GRB2: variants seen among roughly 807,000 people sequenced by gnomAD.
GRB2 encodes growth factor receptor-bound protein 2.
In GRB2, 2 loss-of-function variants were observed where a neutral mutation model predicts 27.4. That is an observed-to-expected ratio of 0.07 (90% CI 0.03 to 0.23). The LOEUF is 0.23. GRB2 is among the 10% of genes least tolerant of loss of function. GRB2 has a pLI of 1.00. For missense variants in GRB2, 102 were observed against 282.4 expected (o/e 0.36, Z 4.58); for synonymous variants, 94 against 99.6 (o/e 0.94, Z 0.33).
At chr17:75,325,858 A>G in intron 4 of GRB2, 40 bp downstream of exon 4, 1 of 1,609,820 alleles carries the variant, frequency 6.2e-7, no homozygotes, top group Non-Finnish European at 8.5e-7. Context: ...TGGATCAGTC[A>G]GAGACAGGAT....
chr17:75,360,401 A>G (rs2078772076), intron 2 of GRB2, among the ~76,000 whole-genome samples: 1 of 152,176 alleles, frequency 6.6e-6, no homozygotes, highest in Admixed American at 6.5e-5. Flanking sequence ...ACCAGATGGG[A>G]TTTTAGAGTA....
chr17:75,320,260 G>C lies in GRB2; in HGVS notation c.*108C>G. The C allele has an allele frequency of 1.1e-6, 1 of 947,774 alleles. No homozygotes were observed. The highest frequency in any genetic ancestry group is 1.7e-6 in the Non-Finnish European group (1 of 600,976). 58.7% of individuals were successfully genotyped at this position (947,774 alleles called of 1,614,324 possible). A position where few individuals can be genotyped will look rare whatever the true frequency, so the allele number is the denominator to read the frequency against. ...AGAGGGTCACAGGGTGACCCGGCCAGGTGTTCTGCACTCCCTCACAGGCTG... is the reference window on the plus strand; with the variant it reads ...AGAGGGTCACAGGGTGACCCGGCCACGTGTTCTGCACTCCCTCACAGGCTG... On this transcript the variant is annotated 3_prime_UTR_variant, in exon 6 of 6. Transcript: ENST00000316804. This position sits in a 1 kb window ranked among gnomAD's most constrained non-coding sequence, Gnocchi z 4.3.
intron 3 of GRB2, among the ~76,000 whole-genome samples, chr17:75,331,883 T>C (rs1793244433): frequency 6.6e-6 from 1 of 152,156 alleles, no homozygotes; most frequent in Non-Finnish European, 1.5e-5. Flanking sequence ...GGGGAGGATG[T>C]GCTGTGATCC....
At position 75,320,691 on chromosome 17, in the gene GRB2, A is replaced by C; in HGVS notation, c.469-138T>G. ...TCTTAAACTCACCTCCCATCTCCCA[A>C]CCCCCCGTTTATTCTTACCTATTCT... On this transcript the variant is annotated intron_variant, in intron 5 of 5. Coordinates refer to ENST00000316804, the MANE Select transcript of GRB2 (RefSeq NM_002086.5). This position sits in a 1 kb window ranked among gnomAD's most constrained non-coding sequence, Gnocchi z 4.3. 1 of 635,154 alleles carries C rather than the reference A, an allele frequency of 1.6e-6. No homozygotes were observed. Among genetic ancestry groups the C allele is most frequent in the South Asian group, 1.9e-5 (1 of 52,402 alleles). The allele number at this position is 635,154 out of a possible 1,614,324, so 39.3% of individuals were successfully genotyped here. A position where few individuals can be genotyped will look rare whatever the true frequency, so the allele number is the denominator to read the frequency against.
intron 1 of GRB2, among the ~76,000 whole-genome samples, chr17:75,400,228 C>T (rs2079055562): frequency 6.6e-6 from 1 of 152,102 alleles, no homozygotes; most frequent in Admixed American, 6.5e-5. Flanking sequence ...GGCTGAAGTG[C>T]AATGGCACGA....
At chr17:75,374,747 C>A (rs189278514) in intron 2 of GRB2, among the ~76,000 whole-genome samples, 1 of 151,946 alleles carries the variant, frequency 6.6e-6, no homozygotes, top group Non-Finnish European at 1.5e-5. Context: ...TGATCAATCA[C>A]GCCACTGCAC....
At chr17:75,398,930 T>G (rs1034077811) in intron 1 of GRB2, among the ~76,000 whole-genome samples, 34 of 151,798 alleles carry the variant, frequency 2.2e-4, no homozygotes, top group Non-Finnish European at 3.7e-4. Flanking sequence ...CTATTTTTAA[T>G]AGAGACAGGA....
chr17:75,405,406 C>T, intron 1 of GRB2, 83 bp downstream of exon 1: 1 of 152,454 alleles, frequency 6.6e-6, no homozygotes. Flanking sequence ...GGGCCGGTCC[C>T]GGTTCCCCCG....
At chr17:75,323,176 A>AT (rs1378106736) in intron 4 of GRB2, among the ~76,000 whole-genome samples, 1 of 151,686 alleles carries the variant, frequency 6.6e-6, no homozygotes, top group African/African-American at 2.4e-5. Context: ...CAATGAATGA[A>AT]TGAGTCCCTC....
At chr17:75,330,614 C>A (rs1463239314) in intron 3 of GRB2, among the ~76,000 whole-genome samples, 1 of 151,846 alleles carries the variant, frequency 6.6e-6, no homozygotes, top group East Asian at 1.9e-4. Flanking sequence ...GCGGAGGTTG[C>A]AGTGAGCTGA....
intron 2 of GRB2, among the ~76,000 whole-genome samples, chr17:75,346,479 G>A (rs1274643736): frequency 6.6e-6 from 1 of 151,578 alleles, no homozygotes; most frequent in Non-Finnish European, 1.5e-5. Flanking sequence ...CTGGGCAATA[G>A]AGTGAGACTC....
intron 2 of GRB2, among the ~76,000 whole-genome samples, chr17:75,382,853 C>T (rs544634158): frequency 9.1e-4 from 138 of 152,188 alleles, no homozygotes; most frequent in African/African-American, 3.0e-3. Flanking sequence ...GGACTACAGG[C>T]GCCTGCCACC....
chr17:75,383,202 A>G (rs1246428115), intron 2 of GRB2, among the ~76,000 whole-genome samples: 1 of 152,188 alleles, frequency 6.6e-6, no homozygotes, highest in Non-Finnish European at 1.5e-5. Context: ...CTGTTAGCCA[A>G]TTGCACAATC....
intron 1 of GRB2, among the ~76,000 whole-genome samples, chr17:75,397,193 C>T (rs2079034075): frequency 6.6e-6 from 1 of 152,056 alleles, no homozygotes; most frequent in Non-Finnish European, 1.5e-5. Flanking sequence ...AGGTTATCCA[C>T]CCAAAAGAGC....
rs958786080 is a variant in GRB2, at chr17:75,382,552, A to T, written c.78+10999T>A. Among the ~76,000 whole-genome samples the T allele has an allele frequency of 2.6e-5, 4 of 152,146 alleles. No individual in the cohort carries two copies. In the East Asian group the frequency reaches 7.7e-4, roughly 29 times the overall value. ...CGCTCAAAAAAGTTTCAGATTTCAG[A>T]TCTTTGGATTAGGGATACTCAATAT... On this transcript the variant is annotated intron_variant, in intron 2 of 5. Coordinates refer to ENST00000316804, the MANE Select transcript of GRB2 (RefSeq NM_002086.5).
At chr17:75,356,035 T>C (rs2078730985) in intron 2 of GRB2, among the ~76,000 whole-genome samples, 1 of 151,976 alleles carries the variant, frequency 6.6e-6, no homozygotes, top group Non-Finnish European at 1.5e-5. Flanking sequence ...GGTGTCACCA[T>C]GTTGCCCAGG....
intron 1 of GRB2, among the ~76,000 whole-genome samples, chr17:75,396,404 G>C (rs911942703): frequency 1.1e-4 from 17 of 151,828 alleles, no homozygotes; most frequent in African/African-American, 4.1e-4. Flanking sequence ...CACTATGCCC[G>C]GCTACTTTTT....
At chr17:75,347,514 C>A (rs2078663149) in intron 2 of GRB2, among the ~76,000 whole-genome samples, 1 of 152,202 alleles carries the variant, frequency 6.6e-6, no homozygotes, top group Non-Finnish European at 1.5e-5. Flanking sequence ...CCCCACCCAG[C>A]CACACTGGGA....
chr17:75,358,910 TATATAA>T (rs1255496360), intron 2 of GRB2, among the ~76,000 whole-genome samples: 23 of 67,794 alleles, frequency 3.4e-4, no homozygotes, highest in African/African-American at 6.7e-4. Flanking sequence ...TATATATATA[TATATAA>T]ATATATATAT....
Sources: allele counts gnomAD v4.1 joint callset (sites outside exome capture counted in the v4.1 genomes callset), GRCh38; gene constraint gnomAD v4.1.1; non-coding constraint Gnocchi (gnomAD v3.1); transcripts MANE v1.5; gene names NCBI Gene and HGNC (gene_info 2026-07-23, HGNC 2026-07-21).